The following SLC25A21 variants were observed in gnomAD, a reference collection of about 807,000 sequenced individuals.
SLC25A21 encodes the protein mitochondrial 2-oxodicarboxylate carrier.
Under a neutral mutation model 43.8 loss-of-function variants are expected in SLC25A21, and 47 were observed. The observed-to-expected ratio is 1.07, with a 90% confidence interval of 0.85 to 1.37. The LOEUF is 1.37. SLC25A21 is among the 40% of genes most tolerant of loss of function. SLC25A21 has a pLI of 0.00. For missense variants in SLC25A21, 352 were observed against 350.2 expected (o/e 1.00, Z -0.04); for synonymous variants, 131 against 121.3 (o/e 1.08, Z -0.52).
intron 3 of SLC25A21, chr14:36,806,924 C>CT (rs1436322591): frequency 6.6e-6 from 1 of 152,168 alleles, no homozygotes. Flanking sequence ...CTCTGCTTTC[C>CT]TTGTCATCAC....
chr14:36,684,680 A>G, intron 8 of SLC25A21, 64 bp downstream of exon 8: 6 of 1,458,848 alleles, frequency 4.1e-6, no homozygotes, highest in Non-Finnish European at 4.6e-6. Context: ...AAATGGAAGG[A>G]CAATACGGTT....
intron 1 of SLC25A21, among the ~76,000 whole-genome samples, chr14:36,988,887 C>T (rs954810361): frequency 6.6e-6 from 1 of 152,100 alleles, no homozygotes; most frequent in Non-Finnish European, 1.5e-5. Context: ...AGTTACCTGC[C>T]AAACATCACA....
chr14:36,840,679 T>G (rs1889357885), intron 2 of SLC25A21, among the ~76,000 whole-genome samples: 1 of 152,252 alleles, frequency 6.6e-6, no homozygotes, highest in African/African-American at 2.4e-5. Flanking sequence ...CTAAAAGTTT[T>G]CCCGTTTAAT....
Position 36,679,477 on chromosome 14 carries a change from G to GTTGAC in SLC25A21, c.*1176_*1180dup. On this transcript the variant is annotated 3_prime_UTR_variant, in exon 10 of 10. Transcript: ENST00000331299. ...GTCATATGGACTTTCAGTTATTCTT[G>GTTGAC]TTGACTTTACTGAATCAGCATCATC... is the stretch of plus-strand genomic sequence containing the variant. 2.0e-6 allele frequency: 2 copies of GTTGAC among 985,368 alleles called. No homozygotes were observed. Among genetic ancestry groups the GTTGAC allele is most frequent in the African/African-American group, 3.5e-5 (2 of 57,334 alleles). The allele number at this position is 985,368 out of a possible 1,614,324, so 61.0% of individuals were successfully genotyped here. A position where few individuals can be genotyped will look rare whatever the true frequency, so the allele number is the denominator to read the frequency against.
chr14:36,753,509 T>C (rs1420727413), intron 3 of SLC25A21, among the ~76,000 whole-genome samples: 1 of 152,134 alleles, frequency 6.6e-6, no homozygotes, highest in Admixed American at 6.5e-5. Context: ...GCTTTAGCTT[T>C]CCTTTTCATG....
At chr14:36,819,085 G>A (rs1888544444) in intron 2 of SLC25A21, among the ~76,000 whole-genome samples, 1 of 152,174 alleles carries the variant, frequency 6.6e-6, no homozygotes. Context: ...GGACAATGAA[G>A]TAACACTTGG....
chr14:36,724,886 G>GC (rs1884529700), intron 6 of SLC25A21, among the ~76,000 whole-genome samples: 1 of 152,040 alleles, frequency 6.6e-6, no homozygotes, highest in Admixed American at 6.5e-5. Context: ...GCAAAATAAT[G>GC]TTATCACCTC....
In SLC25A21 at chr14:36,961,488, T is replaced by G. The variant is rs28576870; in HGVS notation, c.71-86484A>C. ...AGTGCTCTGAGGCTTCGCGAGAAAG[T>G]GACCACTATTATACAAGACCTGGAA... On this transcript the variant is annotated intron_variant, in intron 1 of 9. Transcript: ENST00000331299. 6.2e-3 allele frequency among the ~76,000 whole-genome samples: 944 copies of G among 152,308 alleles called. 12 individuals are homozygous for G. The highest frequency in any genetic ancestry group is 0.022 in the African/African-American group (906 of 41,560).
At chr14:36,781,393 T>G (rs1258832873) in intron 3 of SLC25A21, among the ~76,000 whole-genome samples, 2 of 152,172 alleles carry the variant, frequency 1.3e-5, no homozygotes, top group Non-Finnish European at 2.9e-5. Flanking sequence ...CTATACTTCC[T>G]TTGTTCCTTT....
intron 1 of SLC25A21, among the ~76,000 whole-genome samples, chr14:37,162,824 A>G (rs1336363132): frequency 2.0e-5 from 3 of 152,172 alleles, no homozygotes; most frequent in African/African-American, 7.2e-5. Flanking sequence ...TCATGCTGCT[A>G]TAAAGACACA....
Position 37,172,128 on chromosome 14 carries a change from C to G in SLC25A21, c.70+153G>C. ...ATCAACTCCCGGCCTCCTCTGCTCTCGCGCCTCTAGGGGCTCAAGCACTGC... is the reference window on the plus strand; with the variant it reads ...ATCAACTCCCGGCCTCCTCTGCTCTGGCGCCTCTAGGGGCTCAAGCACTGC... On this transcript the variant is annotated intron_variant, in intron 1 of 9. Transcript: ENST00000331299. 4 of 787,172 alleles carry G rather than the reference C, an allele frequency of 5.1e-6. No homozygotes were observed. The South Asian group carries it at 5.9e-5, about 12-fold the overall frequency. The allele number at this position is 787,172 out of a possible 1,614,324, so 48.8% of individuals were successfully genotyped here.
chr14:37,030,552 A>AT (rs1437310111), intron 1 of SLC25A21, among the ~76,000 whole-genome samples: 1 of 152,212 alleles, frequency 6.6e-6, no homozygotes, highest in African/African-American at 2.4e-5. Context: ...CATACTTTCC[A>AT]TTTTTTCTGG....
chr14:36,867,437 A>G (rs546256976), intron 2 of SLC25A21, among the ~76,000 whole-genome samples: 1 of 152,216 alleles, frequency 6.6e-6, no homozygotes, highest in East Asian at 1.9e-4. Context: ...TTCACTGGGC[A>G]CCTCCTGAAG....
At chr14:36,722,739 G>T (rs773891739) in intron 6 of SLC25A21, among the ~76,000 whole-genome samples, 1 of 152,136 alleles carries the variant, frequency 6.6e-6, no homozygotes, top group Admixed American at 6.5e-5. Flanking sequence ...CTAGAGTCTA[G>T]ATCATTTTTA....
At chr14:36,977,947 T>C (rs1021491171) in intron 1 of SLC25A21, among the ~76,000 whole-genome samples, 3 of 134,804 alleles carry the variant, frequency 2.2e-5, no homozygotes, top group Non-Finnish European at 4.7e-5. Flanking sequence ...AAGCTTTTTT[T>C]TTTTTTTAAA....
At chr14:36,943,694 T>C (rs529586263) in intron 1 of SLC25A21, among the ~76,000 whole-genome samples, 58 of 152,224 alleles carry the variant, frequency 3.8e-4, no homozygotes, top group Admixed American at 7.2e-4. Flanking sequence ...GGTAACCCAG[T>C]GACAGTTCCA....
chr14:36,767,268 C>G (rs1244645090), intron 3 of SLC25A21, among the ~76,000 whole-genome samples: 2 of 152,202 alleles, frequency 1.3e-5, no homozygotes. Flanking sequence ...GAATTGAAAG[C>G]AGAAATGCTA....
chr14:36,909,488 T>C (rs1891626099), intron 1 of SLC25A21, among the ~76,000 whole-genome samples: 1 of 152,172 alleles, frequency 6.6e-6, no homozygotes, highest in Admixed American at 6.6e-5. Context: ...ATCCCCAAAC[T>C]CACAGTCTCA....
intron 6 of SLC25A21, among the ~76,000 whole-genome samples, chr14:36,717,957 G>T (rs1406794114): frequency 6.6e-6 from 1 of 152,102 alleles, no homozygotes; most frequent in African/African-American, 2.4e-5. Context: ...AGAGGGAGAT[G>T]TTGGCAAAAA....
Sources: gnomAD v4.1 joint callset for allele counts (sites outside exome capture counted in the v4.1 genomes callset) on GRCh38, gnomAD v4.1.1 for gene constraint, MANE v1.5 for transcripts, NCBI Gene and HGNC (gene_info 2026-07-23, HGNC 2026-07-21) for gene names.